Variants in SETD2 observed in about 807,000 individuals in gnomAD.
The protein encoded by SETD2 is histone-lysine N-methyltransferase SETD2.
SETD2 carries 31 observed loss-of-function variants against 242.1 expected under a neutral mutation model. The observed-to-expected ratio is 0.13, with a 90% CI of 0.10 to 0.17. The LOEUF (loss-of-function observed/expected upper bound fraction) is 0.17. Among genes scored for constraint, SETD2 ranks in the 10% least tolerant of loss-of-function variants. The pLI, the probability that SETD2 is intolerant of heterozygous loss-of-function variation, is 1.00. For missense variants in SETD2, 2,481 were observed against 3,046.3 expected, an observed-to-expected ratio of 0.81 and a Z score of 4.37; for synonymous variants, 1,006 against 1,066.5, an observed-to-expected ratio of 0.94 and a Z score of 1.11.
At chr3:47,076,263 A>G (rs1042182463) in intron 12 of SETD2, among the ~76,000 whole-genome samples, 2 of 152,254 alleles carry the variant, frequency 1.3e-5, no homozygotes, top group Admixed American at 1.3e-4. Context: ...GCAGAGGTCT[A>G]CTGCCTGTCT....
intron 12 of SETD2, among the ~76,000 whole-genome samples, chr3:47,071,627 A>G (rs2040822960): frequency 6.6e-6 from 1 of 152,184 alleles, no homozygotes; most frequent in Non-Finnish European, 1.5e-5. Flanking sequence ...AAATTTAAGA[A>G]ACAATAACAT....
In SETD2 at chr3:47,164,010, ACCG is replaced by A; in HGVS notation, c.-89_-87del. On this transcript the variant is annotated 5_prime_UTR_variant, in exon 1 of 21. Transcript: ENST00000409792. The surrounding 1 kb of genome is among the most constrained non-coding windows in gnomAD (Gnocchi z 5.4). ...GGGAGGGGAGGAGGCCGCAGGTCCG[ACCG>A]CGGCGGCGGCGGCGGCGGCGGCGGC... 1 of 1,153,558 alleles carries A rather than the reference ACCG, an allele frequency of 8.7e-7. No homozygotes were observed. The highest frequency in any genetic ancestry group is 3.5e-5 in the East Asian group (1 of 28,266). The allele number at this position is 1,153,558 out of a possible 1,614,324, so 71.5% of individuals were successfully genotyped here. A position where few individuals can be genotyped will look rare whatever the true frequency, so the allele number is the denominator to read the frequency against.
chr3:47,088,426 G>C (rs527568580), intron 9 of SETD2, among the ~76,000 whole-genome samples, 179 bp from the exon 10 acceptor site: 2 of 152,106 alleles, frequency 1.3e-5, no homozygotes, highest in Non-Finnish European at 2.9e-5. Flanking sequence ...GTCTACTGTT[G>C]ATGAAAGTAT....
intron 9 of SETD2, 81 bp from the exon 10 acceptor site, chr3:47,088,328 C>T: frequency 1.4e-6 from 2 of 1,408,994 alleles, no homozygotes; most frequent in Non-Finnish European, 1.9e-6. Context: ...GTTGCTCAAC[C>T]TTATCAATTA....
chr3:47,095,599 T>A (rs1201654368), intron 9 of SETD2, among the ~76,000 whole-genome samples: 1 of 152,100 alleles, frequency 6.6e-6, no homozygotes, highest in East Asian at 1.9e-4. Flanking sequence ...GCTAACAGAC[T>A]AGGTATGACC....
chr3:47,107,652 CAA>C (rs1354401122), intron 5 of SETD2, among the ~76,000 whole-genome samples: 2 of 145,550 alleles, frequency 1.4e-5, no homozygotes, highest in Admixed American at 7.4e-5. Flanking sequence ...TGAGGTCCTA[CAA>C]TGTTGGACTC....
In SETD2 at chr3:47,123,688, G is replaced by A. The variant is rs1453073655; in HGVS notation, c.948C>T (p.Gly316=). ...GSKKKSSQSE[G]IFLGSESDED... is the part of the protein sequence containing the mutation. The stretch of plus-strand genomic sequence containing the variant: ...CATCAGATTCTGAACCAAGAAAGAT[G>A]CCTTCAGATTGTGAGGATTTCTTCT... Residue 316 remains glycine, a synonymous_variant, in exon 3 of 21, where the codon GGC becomes GGT. Coordinates refer to ENST00000409792, the MANE Select transcript of SETD2 (RefSeq NM_014159.7). 2 of 1,551,104 alleles carry A rather than the reference G, an allele frequency of 1.3e-6. No homozygotes were observed. The highest frequency in any genetic ancestry group is 1.7e-4 in the Middle Eastern group (1 of 6,012).
At chr3:47,161,381 T>C (rs1374530461) in intron 1 of SETD2, among the ~76,000 whole-genome samples, 1 of 152,188 alleles carries the variant, frequency 6.6e-6, no homozygotes, top group Non-Finnish European at 1.5e-5. Context: ...CAGGTCTGAC[T>C]CTGAAATCCA....
At chr3:47,147,297 G>A (rs2043878382) in intron 1 of SETD2, among the ~76,000 whole-genome samples, 1 of 147,762 alleles carries the variant, frequency 6.8e-6, no homozygotes, top group African/African-American at 2.5e-5. Context: ...ACAGGCGTGA[G>A]CCACCAAGCC....
chr3:47,050,135 G>A (rs545392853), intron 15 of SETD2, among the ~76,000 whole-genome samples: 3 of 151,350 alleles, frequency 2.0e-5, no homozygotes. Context: ...ATAGCTAGAA[G>A]AGAATAATTG....
At chr3:47,033,388 A>C (rs1274088961) in intron 18 of SETD2, among the ~76,000 whole-genome samples, 1 of 152,196 alleles carries the variant, frequency 6.6e-6, no homozygotes, top group Non-Finnish European at 1.5e-5. Flanking sequence ...GCTATAAGCA[A>C]CCATTTGTAC....
intron 15 of SETD2, among the ~76,000 whole-genome samples, chr3:47,051,422 C>T (rs2039839677): frequency 6.6e-6 from 1 of 152,096 alleles, no homozygotes; most frequent in Non-Finnish European, 1.5e-5. Context: ...TACTTTTGCC[C>T]TTGACTCCTG....
In SETD2 at chr3:47,058,013, G is replaced by A. The variant is rs150934663; in HGVS notation, c.6294-523C>T. 5.2e-3 allele frequency among the ~76,000 whole-genome samples: 791 copies of A among 152,116 alleles called. 8 individuals carry two copies. Among genetic ancestry groups the A allele is most frequent in the African/African-American group, 0.018 (758 of 41,470 alleles). On this transcript the variant is annotated intron_variant, in intron 14 of 20. Transcript: ENST00000409792. ...TCCTCATAAAAACATACAGCAGAAA[G>A]ACATATACAAAGAGAGCCTCTTAAA...
chr3:47,049,887 T>C (rs912990710), intron 15 of SETD2, among the ~76,000 whole-genome samples: 3 of 127,098 alleles, frequency 2.4e-5, no homozygotes, highest in Admixed American at 8.7e-5. Context: ...TTATAGTATA[T>C]ATTATATATA....
Position 47,123,891 on chromosome 3 carries a change from A to G in SETD2, c.745T>C (p.Ser249Pro), listed in dbSNP as rs1404541560. ...KEPPIIIVPE[S>P]LEADTKQDTI... ...TCCTGCTTAGTATCTGCTTCTAAAG[A>G]TTCTGGTACAATTATAATTGGTGGT... is the stretch of plus-strand genomic sequence containing the variant. Residue 249 changes from serine (S) to proline (P), a missense_variant, in exon 3 of 21, where the codon TCT becomes CCT. Physicochemically the swap from Ser to Pro is moderately conservative, Grantham distance 74. Coordinates refer to ENST00000409792, the MANE Select transcript of SETD2 (RefSeq NM_014159.7). 6.4e-7 allele frequency: 1 copy of G among 1,551,918 alleles called. No individual in the cohort carries two copies. The highest frequency in any genetic ancestry group is 8.7e-7 in the Non-Finnish European group (1 of 1,146,938).
At chr3:47,079,870 C>T (rs372909488) in intron 12 of SETD2, among the ~76,000 whole-genome samples, 4 of 152,102 alleles carry the variant, frequency 2.6e-5, no homozygotes, top group Non-Finnish European at 4.4e-5. Context: ...TTCTACCAAA[C>T]GAGACATTTA....
At chr3:47,050,168 GAC>G (rs2039761350) in intron 15 of SETD2, among the ~76,000 whole-genome samples, 1 of 151,484 alleles carries the variant, frequency 6.6e-6, no homozygotes, top group Non-Finnish European at 1.5e-5. Flanking sequence ...ATAAAGAAAA[GAC>G]AAATATTTAT....
At chr3:47,106,812 A>AC in intron 5 of SETD2, among the ~76,000 whole-genome samples, 1 of 40,828 alleles carries the variant, frequency 2.4e-5, no homozygotes, top group East Asian at 9.5e-4. Context: ...ACTCCGTCTC[A>AC]AAAAAAAAAA....
rs1479622345 is a variant in SETD2, at chr3:47,122,800, A to G, written c.1836T>C (p.Ala612=). The change falls in exon 3 of 21, where the codon GCT becomes GCC. Residue 612 remains alanine, a synonymous_variant. Coordinates refer to ENST00000409792, the MANE Select transcript of SETD2 (RefSeq NM_014159.7). ...ATCGATTTGATGGAGCTGGAGACCCAGCCTTTTCTCTTTCAGGATTTTTAT... is the reference window on the plus strand; with the variant it reads ...ATCGATTTGATGGAGCTGGAGACCCGGCCTTTTCTCTTTCAGGATTTTTAT... ...MINKNPEREK[A]GSPAPSNRLN... The G allele has an allele frequency of 1.9e-6, 3 of 1,613,274 alleles. No individual in the cohort carries two copies. Among genetic ancestry groups the G allele is most frequent in the Admixed American group, 1.7e-5 (1 of 59,826 alleles).
Sources: gnomAD v4.1 joint callset for allele counts (sites outside exome capture counted in the v4.1 genomes callset) on GRCh38, gnomAD v4.1.1 for gene constraint, Gnocchi (gnomAD v3.1) non-coding constraint, MANE v1.5 for transcripts, NCBI Gene and HGNC (gene_info 2026-07-23, HGNC 2026-07-21) for gene names.